Variants in HINFP observed in about 807,000 individuals in gnomAD.
HINFP encodes the protein histone H4 transcription factor.
In HINFP, 20 loss-of-function variants were observed where a neutral mutation model predicts 50.1. The observed-to-expected ratio is 0.40, with a 90% CI of 0.28 to 0.58. The LOEUF (loss-of-function observed/expected upper bound fraction) is 0.58, where lower values mean the gene tolerates loss of function less well. HINFP is among the 20% of genes least tolerant of loss of function. The pLI is 0.45. For synonymous variants in HINFP, 247 were observed against 243.7 expected, an observed-to-expected ratio of 1.01 and a Z score of -0.13; for missense variants, 505 against 664.1, an observed-to-expected ratio of 0.76 and a Z score of 2.63.
intron 1 of HINFP, chr11:119,124,561 T>G (rs918947060): frequency 7.9e-5 from 12 of 152,216 alleles, no homozygotes; most frequent in African/African-American, 2.4e-4. Flanking sequence ...CTTCTGGAAC[T>G]GCTTGCATCA....
At position 119,130,844 on chromosome 11, in the gene HINFP, C is replaced by T. The variant is rs1180691757; in HGVS notation, c.301C>T (p.Gln101Ter). ...CACCAAGCTGAAACAGTGGGGGCTG[C>T]AGGCCTTGCAAAGCCAGGCTGACCT... ...YHTKLKQWGL[Q>*]ALQSQADLGP... The change falls in exon 3 of 10, where the codon CAG becomes TAG. Residue 101 changes from glutamine (Q) to a stop codon, truncating the protein, a stop_gained. Transcript: ENST00000350777. LOFTEE classifies it high-confidence loss of function. 2 of 1,614,100 alleles carry T rather than the reference C, an allele frequency of 1.2e-6. No individual in the cohort carries two copies.
Position 119,133,173 on chromosome 11 carries a change from C to A in HINFP, c.1093C>A (p.Arg365Ser), listed in dbSNP as rs534188004. 1 of 1,614,236 alleles carries A rather than the reference C, an allele frequency of 6.2e-7. No individual in the cohort carries two copies. The highest frequency in any genetic ancestry group is 8.5e-7 in the Non-Finnish European group (1 of 1,180,048). Residue 365 changes from arginine (R) to serine (S), a missense_variant, in exon 9 of 10, where the codon CGC (arginine) becomes AGC (serine). By Grantham distance (110) the Arg-to-Ser change is moderately radical. Coordinates refer to ENST00000350777, the MANE Select transcript of HINFP (RefSeq NM_198971.3). ...TRGNNLTVHLRKKHQFKWPSG... is the reference protein window; with the variant it reads ...TRGNNLTVHLSKKHQFKWPSG... ...GGGCAACAACCTCACCGTGCACCTT[C>A]GCAAGAAGCACCAGTTCAAGTGGCC...
At chr11:119,124,269 G>A (rs1053810516) in intron 1 of HINFP, 6 of 152,188 alleles carry the variant, frequency 3.9e-5, no homozygotes, top group African/African-American at 1.4e-4. Flanking sequence ...AGAAAAGCCT[G>A]TATTGGGGGC....
Position 119,133,100 on chromosome 11 carries a change from C to G in HINFP, c.1020C>G (p.Asp340Glu). ...CTCCCTTCCTTCCCCATCAGGGAGA[C>G]TCTGAGCCAAGGTACAAATGTCATG... ...KSHYRKVHEG[D>E]SEPRYKCHVC... The change falls in exon 9 of 10, where the codon GAC (aspartate) becomes GAG (glutamate). Residue 340 changes from aspartate to glutamate, a missense_variant. By Grantham distance (45) the Asp-to-Glu change is conservative (BLOSUM62 2). Coordinates refer to ENST00000350777, the MANE Select transcript of HINFP (RefSeq NM_198971.3). 6.2e-7 allele frequency: 1 copy of G among 1,614,252 alleles called. No homozygotes were observed. The highest frequency in any genetic ancestry group is 8.5e-7 in the Non-Finnish European group (1 of 1,180,046).
chr11:119,129,490 C>CTTTTTTTTTTTTTTT (rs59395600), intron 2 of HINFP, among the ~76,000 whole-genome samples: 38 of 124,156 alleles, frequency 3.1e-4, no homozygotes, highest in East Asian at 2.3e-3. Flanking sequence ...TTTTTCTTTT[C>CTTTTTTTTTTTTTTT]TTTTTTTTTT....
chr11:119,130,643 ACT>A (rs1947698984), intron 2 of HINFP, 80 bp from the exon 3 acceptor site: 1 of 1,251,446 alleles, frequency 8.0e-7, no homozygotes, highest in Non-Finnish European at 1.2e-6. Flanking sequence ...CAGCCTCCTC[ACT>A]CTCTGTTTAG....
At position 119,134,390 on chromosome 11, in the gene HINFP, G is replaced by A; in HGVS notation, c.1446G>A (p.Val482=). ...GCCAGCAAGAGATCGTCTACTATGT[G>A]CTGTCTGAAGCCCCAGGGGAGCCTC... ...AQGQQEIVYY[V]LSEAPGEPPP... The change falls in exon 10 of 10, where the codon GTG becomes GTA. Residue 482 remains valine (V), a synonymous_variant. Coordinates refer to ENST00000350777, the MANE Select transcript of HINFP (RefSeq NM_198971.3). This position sits in a 1 kb window ranked among gnomAD's most constrained non-coding sequence, Gnocchi z 4.3. The A allele has an allele frequency of 3.1e-6, 5 of 1,614,154 alleles. No homozygotes were observed. Among genetic ancestry groups the A allele is most frequent in the Non-Finnish European group, 4.2e-6 (5 of 1,179,976 alleles).
Position 119,131,973 on chromosome 11 carries a change from T to C in HINFP, c.667T>C (p.Ser223Pro), listed in dbSNP as rs1442114221. The C allele has an allele frequency of 1.2e-6, 2 of 1,613,934 alleles. No individual in the cohort carries two copies. Among genetic ancestry groups the C allele is most frequent in the African/African-American group, 2.7e-5 (2 of 74,896 alleles). The change falls in exon 5 of 10, where the codon TCA becomes CCA. Residue 223 changes from serine (S) to proline (P), a missense_variant. Coordinates refer to ENST00000350777, the MANE Select transcript of HINFP (RefSeq NM_198971.3). The surrounding 1 kb of genome is among the most constrained non-coding windows in gnomAD (Gnocchi z 4.2). Reference protein sequence around the residue: ...KFLDHIRRQTSLDQQHFQCSH... With the variant: ...KFLDHIRRQTPLDQQHFQCSH... ...CTTAGATCACATCCGTCGCCAGACCTCATTGGATCGTAAGTAGTCAGAGGA... is the reference window on the plus strand; with the variant it reads ...CTTAGATCACATCCGTCGCCAGACCCCATTGGATCGTAAGTAGTCAGAGGA...
In HINFP at chr11:119,127,061, C is replaced by G; in HGVS notation, c.117C>G (p.His39Gln). ...MEKFFEHVTQ[H>Q]LQQHLHGSGE... ...AGTTCTTTGAGCATGTCACTCAGCA[C>G]CTGCAGCAGCACCTGCATGGCTCTG... The change falls in exon 2 of 10, where the codon CAC becomes CAG. Residue 39 changes from histidine (H) to glutamine (Q), a missense_variant. By Grantham distance (24) the His-to-Gln change is conservative. Transcript: ENST00000350777. The G allele has an allele frequency of 6.2e-7, 1 of 1,614,022 alleles. No homozygotes were observed. Among genetic ancestry groups the G allele is most frequent in the Non-Finnish European group, 8.5e-7 (1 of 1,179,996 alleles).
rs1159088163 is a variant in HINFP, at chr11:119,133,170, C to T, written c.1090C>T (p.Leu364Phe). 6.2e-7 allele frequency: 1 copy of T among 1,614,114 alleles called. No homozygotes were observed. Among genetic ancestry groups the T allele is most frequent in the African/African-American group, 1.3e-5 (1 of 74,940 alleles). ...ACGGGGCAACAACCTCACCGTGCAC[C>T]TTCGCAAGAAGCACCAGTTCAAGTG... is the stretch of plus-strand genomic sequence containing the variant. ...FTRGNNLTVHLRKKHQFKWPS... is the reference protein window; with the variant it reads ...FTRGNNLTVHFRKKHQFKWPS... Residue 364 changes from leucine to phenylalanine, a missense_variant, in exon 9 of 10, where the codon CTT becomes TTT. By Grantham distance (22) the Leu-to-Phe change is conservative. Transcript: ENST00000350777.
At chr11:119,124,410 C>A (rs1017915769) in intron 1 of HINFP, 15 of 152,182 alleles carry the variant, frequency 9.9e-5, no homozygotes, top group African/African-American at 3.6e-4. Flanking sequence ...AGCAAGAATC[C>A]GTGAGAATTC....
chr11:119,130,303 A>G (rs916712731), intron 2 of HINFP: 1 of 214,690 alleles, frequency 4.7e-6, no homozygotes, highest in South Asian at 6.9e-5. Flanking sequence ...TTCTTCACCT[A>G]TTTACAGATA....
chr11:119,131,435 C>T lies in HINFP; in HGVS notation c.412-100C>T, dbSNP rs753361861. On this transcript the variant is annotated intron_variant, in intron 3 of 9. Transcript: ENST00000350777. This position sits in a 1 kb window ranked among gnomAD's most constrained non-coding sequence, Gnocchi z 4.2. ...GCCTTTCCTCAAAATTTCCCATCCC[C>T]ATCAAGTTAATTTGGGAGAGAGCCA... is the stretch of plus-strand genomic sequence containing the variant. 4.3e-4 allele frequency: 362 copies of T among 845,070 alleles called. No individual in the cohort carries two copies. The highest frequency in any genetic ancestry group is 1.0e-4 in the African/African-American group (6 of 60,152). 52.3% of individuals were successfully genotyped at this position (845,070 alleles called of 1,614,324 possible).
intron 1 of HINFP, among the ~76,000 whole-genome samples, chr11:119,122,394 G>A (rs1486598034): frequency 6.6e-6 from 1 of 152,076 alleles, no homozygotes; most frequent in Non-Finnish European, 1.5e-5. Context: ...GGGCAGGTGT[G>A]ATATGGTTTC....
Position 119,127,046 on chromosome 11 carries a change from G to C in HINFP, c.102G>C (p.Glu34Asp), listed in dbSNP as rs1305105315. ...FVCSTMEKFF[E>D]HVTQHLQQHL... Reference sequence around the variant, plus strand: ...GCTCAACCATGGAAAAGTTCTTTGAGCATGTCACTCAGCACCTGCAGCAGC... The same window carrying C: ...GCTCAACCATGGAAAAGTTCTTTGACCATGTCACTCAGCACCTGCAGCAGC... Residue 34 changes from glutamate to aspartate, a missense_variant, in exon 2 of 10, where the codon GAG becomes GAC. Glu to Asp is a conservative substitution (Grantham distance 45). Transcript: ENST00000350777. The C allele has an allele frequency of 6.2e-7, 1 of 1,614,158 alleles. No individual in the cohort carries two copies. Among genetic ancestry groups the C allele is most frequent in the Non-Finnish European group, 8.5e-7 (1 of 1,180,030 alleles).
Position 119,131,829 on chromosome 11 carries a change from G to T in HINFP, c.524-1G>T. 1 of 1,613,910 alleles carries T rather than the reference G, an allele frequency of 6.2e-7. No homozygotes were observed. Among genetic ancestry groups the T allele is most frequent in the East Asian group, 2.2e-5 (1 of 44,880 alleles). Reference sequence around the variant, plus strand: ...GGAGACTGATAGGGCTTCCTTCCCAGGCTGTACCTGCACCTTCAAGGACCG... The same window carrying T: ...GGAGACTGATAGGGCTTCCTTCCCATGCTGTACCTGCACCTTCAAGGACCG... On this transcript the variant is annotated splice_acceptor_variant, in intron 4 of 9. Transcript: ENST00000350777. LOFTEE classifies it high-confidence loss of function. The surrounding 1 kb of genome is among the most constrained non-coding windows in gnomAD (Gnocchi z 4.2).
Position 119,132,929 on chromosome 11 carries a change from G to A in HINFP, c.941G>A (p.Cys314Tyr). ...DTHSEEPAYR[C>Y]DFENCTFSAR... is the part of the protein sequence containing the mutation. ...CACAGCGAGGAGCCAGCCTACAGGTGTGATTTTGAGAACTGCACCTTCAGT... is the reference window on the plus strand; with the variant it reads ...CACAGCGAGGAGCCAGCCTACAGGTATGATTTTGAGAACTGCACCTTCAGT... Residue 314 changes from cysteine to tyrosine, a missense_variant, in exon 8 of 10, where the codon TGT (cysteine) becomes TAT (tyrosine). Cys to Tyr is a radical substitution (Grantham distance 194). Transcript: ENST00000350777. 6.2e-7 allele frequency: 1 copy of A among 1,614,252 alleles called. No homozygotes were observed. Among genetic ancestry groups the A allele is most frequent in the East Asian group, 2.2e-5 (1 of 44,886 alleles).
In HINFP at chr11:119,134,371, A is replaced by C; in HGVS notation, c.1427A>C (p.Gln476Pro). The C allele has an allele frequency of 6.2e-7, 1 of 1,614,162 alleles. No homozygotes were observed. Among genetic ancestry groups the C allele is most frequent in the Non-Finnish European group, 8.5e-7 (1 of 1,180,002 alleles). ...AATCAGACCAATGCCCAAGGCCAGCAAGAGATCGTCTACTATGTGCTGTCT... is the reference window on the plus strand; with the variant it reads ...AATCAGACCAATGCCCAAGGCCAGCCAGAGATCGTCTACTATGTGCTGTCT... ...VVNQTNAQGQQEIVYYVLSEA... is the reference protein window; with the variant it reads ...VVNQTNAQGQPEIVYYVLSEA... The change falls in exon 10 of 10, where the codon CAA (glutamine) becomes CCA (proline). Residue 476 changes from glutamine to proline, a missense_variant. By Grantham distance (76) the Gln-to-Pro change is moderately conservative (BLOSUM62 -1). Coordinates refer to ENST00000350777, the MANE Select transcript of HINFP (RefSeq NM_198971.3). The surrounding 1 kb of genome is among the most constrained non-coding windows in gnomAD (Gnocchi z 4.3).
Position 119,131,743 on chromosome 11 carries a change from G to C in HINFP, c.524-87G>C. 1 of 1,601,722 alleles carries C rather than the reference G, an allele frequency of 6.2e-7. No homozygotes were observed. The highest frequency in any genetic ancestry group is 8.5e-7 in the Non-Finnish European group (1 of 1,170,126). On this transcript the variant is annotated intron_variant, in intron 4 of 9. Coordinates refer to ENST00000350777, the MANE Select transcript of HINFP (RefSeq NM_198971.3). This position sits in a 1 kb window ranked among gnomAD's most constrained non-coding sequence, Gnocchi z 4.2. ...ATAGGGGTCCTACAGGGGCAAGGTTGACTGCCGGCTGGAGAGACTCAGGGG... is the reference window on the plus strand; with the variant it reads ...ATAGGGGTCCTACAGGGGCAAGGTTCACTGCCGGCTGGAGAGACTCAGGGG...
Sources: gnomAD v4.1 joint callset for allele counts (sites outside exome capture counted in the v4.1 genomes callset) on GRCh38, gnomAD v4.1.1 for gene constraint, Gnocchi (gnomAD v3.1) non-coding constraint, MANE v1.5 for transcripts, NCBI Gene and HGNC (gene_info 2026-07-23, HGNC 2026-07-21) for gene names.